EXOC2: variants seen among roughly 807,000 people sequenced by gnomAD.
EXOC2 encodes SEC5-like 1.
A neutral mutation model predicts 131.8 loss-of-function variants in EXOC2; 70 were observed. That is an observed-to-expected ratio of 0.53 (90% CI 0.44 to 0.65). The LOEUF (loss-of-function observed/expected upper bound fraction) is 0.65. EXOC2 is among the 30% of genes least tolerant of loss of function. The probability of loss-of-function intolerance (pLI) is 0.00; values close to 1 mark genes in which losing one functional copy is unlikely to be tolerated. For synonymous variants in EXOC2, 411 were observed against 398.4 expected (o/e 1.03, Z -0.38); for missense variants, 923 against 1,108.6 (o/e 0.83, Z 2.38).
At chr6:634,077 T>G (rs1761985138) in intron 2 of EXOC2, among the ~76,000 whole-genome samples, 1 of 152,126 alleles carries the variant, frequency 6.6e-6, no homozygotes, top group Non-Finnish European at 1.5e-5. Context: ...TTTTCTTTTT[T>G]TTTTTTGAGA....
Position 572,562 on chromosome 6 carries a change from C to A in EXOC2, c.1401G>T (p.Trp467Cys). 1 of 1,614,148 alleles carries A rather than the reference C, an allele frequency of 6.2e-7. No individual in the cohort carries two copies. The highest frequency in any genetic ancestry group is 8.5e-7 in the Non-Finnish European group (1 of 1,180,032). The change falls in exon 13 of 28, where the codon TGG becomes TGT. Residue 467 changes from tryptophan to cysteine, a missense_variant. Physicochemically the swap from Trp to Cys is radical, Grantham distance 215 (BLOSUM62 -2). Transcript: ENST00000230449. ...CATTAACGTAGGAGATCCAGAGTTT[C>A]CAGAAGTTAGGCAGCTGGCTCAAGA... is the stretch of plus-strand genomic sequence containing the variant. ...KLVLSQLPNF[W>C]KLWISYVNGS...
chr6:540,693 T>C (rs1766764082), intron 22 of EXOC2, among the ~76,000 whole-genome samples: 1 of 152,058 alleles, frequency 6.6e-6, no homozygotes, highest in African/African-American at 2.4e-5. Context: ...AGGTCTAACA[T>C]ACACCCAATA....
intron 13 of EXOC2, among the ~76,000 whole-genome samples, chr6:567,669 TTGTG>T (rs528708880): frequency 1.3e-5 from 2 of 152,100 alleles, no homozygotes; most frequent in South Asian, 2.1e-4. Flanking sequence ...ACATGATGTG[TTGTG>T]TGTCTGTTGT....
chr6:523,545 T>C (rs1765592343), intron 23 of EXOC2, among the ~76,000 whole-genome samples: 1 of 152,264 alleles, frequency 6.6e-6, no homozygotes, highest in Non-Finnish European at 1.5e-5. Flanking sequence ...ATTAAGAGAT[T>C]AATTTCACTT....
At chr6:644,429 C>G (rs1315011412) in intron 1 of EXOC2, among the ~76,000 whole-genome samples, 3 of 152,102 alleles carry the variant, frequency 2.0e-5, no homozygotes, top group Non-Finnish European at 4.4e-5. Flanking sequence ...TGCTTTCCCC[C>G]CTTTCGAACA....
In EXOC2 at chr6:505,586, C is replaced by T. The variant is rs567737422; in HGVS notation, c.2381-5886G>A. 4.6e-5 allele frequency among the ~76,000 whole-genome samples: 7 copies of T among 152,332 alleles called. No individual in the cohort carries two copies. In the South Asian group the frequency reaches 1.4e-3, roughly 32 times the overall value. ...CAACAAGCGGGAGGTGTTAGGACGG[C>T]CCCGCCCCACCCCACTCTGCATTCC... On this transcript the variant is annotated intron_variant, in intron 23 of 27. Transcript: ENST00000230449.
chr6:658,907 C>G (rs1763287943), intron 1 of EXOC2, among the ~76,000 whole-genome samples: 1 of 151,884 alleles, frequency 6.6e-6, no homozygotes, highest in South Asian at 2.1e-4. Context: ...GGTAATCTGC[C>G]CACCTTGGCC....
chr6:486,790 C>T (rs1482767621), intron 27 of EXOC2, 26 bp from the exon 28 acceptor site: 4 of 1,588,976 alleles, frequency 2.5e-6, no homozygotes, highest in East Asian at 4.5e-5. Context: ...ACTTGTTTTA[C>T]AGCCCGACAG....
intron 1 of EXOC2, among the ~76,000 whole-genome samples, chr6:674,114 G>A (rs1374791767): frequency 6.6e-6 from 1 of 152,084 alleles, no homozygotes; most frequent in East Asian, 1.9e-4. Flanking sequence ...AACAAACTCT[G>A]AGCTAGAAAT....
In EXOC2 at chr6:497,440, A is replaced by G. The variant is rs1339126628; in HGVS notation, c.2486T>C (p.Ile829Thr). 6 of 1,614,030 alleles carry G rather than the reference A, an allele frequency of 3.7e-6. No homozygotes were observed. Among genetic ancestry groups the G allele is most frequent in the Non-Finnish European group, 4.2e-6 (5 of 1,179,938 alleles). Reference sequence around the variant, plus strand: ...ACTGAGCTCTTCAGAAACTGCTTCTATCACCTTGGATAGTACCCGAGGGAC... The same window carrying G: ...ACTGAGCTCTTCAGAAACTGCTTCTGTCACCTTGGATAGTACCCGAGGGAC... Reference protein sequence around the residue: ...ELVPRVLSKVIEAVSEELSRL... With the variant: ...ELVPRVLSKVTEAVSEELSRL... The change falls in exon 25 of 28, where the codon ATA (isoleucine) becomes ACA (threonine). Residue 829 changes from isoleucine (I) to threonine (T), a missense_variant. By Grantham distance (89) the Ile-to-Thr change is moderately conservative. Coordinates refer to ENST00000230449, the MANE Select transcript of EXOC2 (RefSeq NM_018303.6).
At chr6:486,864 G>T in intron 27 of EXOC2, 100 bp from the exon 28 acceptor site, 2 of 827,598 alleles carry the variant, frequency 2.4e-6, no homozygotes, top group Non-Finnish European at 2.0e-6. Context: ...GCCTGGGCTT[G>T]CTGTGTGGAG....
In EXOC2 at chr6:605,349, TAAC is replaced by T. The variant is rs1760345262; in HGVS notation, c.742+4746_742+4748del. On this transcript the variant is annotated intron_variant, in intron 7 of 27. Coordinates refer to ENST00000230449, the MANE Select transcript of EXOC2 (RefSeq NM_018303.6). The stretch of plus-strand genomic sequence containing the variant: ...TCACTTATTGTTGGTTACGAATGAA[TAAC>T]AATTTTTTAAAGTACAACTAATATT... Among the ~76,000 whole-genome samples the T allele has an allele frequency of 2.6e-5, 4 of 152,230 alleles. No homozygotes were observed. The South Asian group carries it at 6.2e-4, about 24-fold the overall frequency.
intron 1 of EXOC2, among the ~76,000 whole-genome samples, chr6:639,200 G>A (rs1375055198): frequency 6.6e-6 from 1 of 152,188 alleles, no homozygotes; most frequent in Non-Finnish European, 1.5e-5. Flanking sequence ...AAACTTGGGG[G>A]CAGGCTGACC....
At chr6:647,371 T>C (rs997139404) in intron 1 of EXOC2, among the ~76,000 whole-genome samples, 2 of 151,548 alleles carry the variant, frequency 1.3e-5, no homozygotes, top group Middle Eastern at 3.4e-3. Flanking sequence ...CTCAGCGGTT[T>C]TGATTATCAG....
intron 10 of EXOC2, among the ~76,000 whole-genome samples, chr6:594,741 A>C (rs1212404132): frequency 1.3e-5 from 2 of 152,252 alleles, no homozygotes; most frequent in African/African-American, 4.8e-5. Context: ...TTTACAAAGC[A>C]AGATAAAGTT....
At chr6:609,731 G>T (rs1178176327) in intron 7 of EXOC2, among the ~76,000 whole-genome samples, 1 of 152,172 alleles carries the variant, frequency 6.6e-6, no homozygotes, top group Non-Finnish European at 1.5e-5. Context: ...CATTAATGCT[G>T]GGAGACGCCT....
At chr6:645,152 A>G (rs947418243) in intron 1 of EXOC2, among the ~76,000 whole-genome samples, 24 of 152,268 alleles carry the variant, frequency 1.6e-4, no homozygotes, top group Admixed American at 1.6e-3. Flanking sequence ...AAACAAACAC[A>G]TATGATTATA....
intron 1 of EXOC2, among the ~76,000 whole-genome samples, chr6:647,505 T>A (rs1176555173): frequency 6.9e-6 from 1 of 145,730 alleles, no homozygotes; most frequent in Non-Finnish European, 1.5e-5. Flanking sequence ...ACACACCTGA[T>A]GAGTTGTCAA....
intron 23 of EXOC2, among the ~76,000 whole-genome samples, chr6:526,687 G>A (rs2473474): frequency 5.9e-5 from 9 of 152,000 alleles, no homozygotes; most frequent in African/African-American, 2.2e-4. Flanking sequence ...TGATCCGCCC[G>A]CCTCAGCCTC....
Sources: gnomAD v4.1 joint callset for allele counts (sites outside exome capture counted in the v4.1 genomes callset) on GRCh38, gnomAD v4.1.1 for gene constraint, MANE v1.5 for transcripts, NCBI Gene and HGNC (gene_info 2026-07-23, HGNC 2026-07-21) for gene names.